The following FMNL2 variants were observed in gnomAD, a reference collection of about 807,000 sequenced individuals.
The protein encoded by FMNL2 is formin like 2, also known as formin-like protein 2.
FMNL2 carries 51 observed loss-of-function variants against 130.2 expected under a neutral mutation model. The observed-to-expected ratio is 0.39, with a 90% CI of 0.31 to 0.49. The LOEUF (loss-of-function observed/expected upper bound fraction) is 0.49, where lower values mean the gene tolerates loss of function less well. Among genes scored for constraint, FMNL2 ranks in the 20% least tolerant of loss-of-function variants. The pLI, the probability that FMNL2 is intolerant of heterozygous loss-of-function variation, is 0.85. For synonymous variants in FMNL2, 465 were observed against 467.1 expected, an observed-to-expected ratio of 1.00 and a Z score of 0.06; for missense variants, 977 against 1,316.2, an observed-to-expected ratio of 0.74 and a Z score of 3.99.
Position 152,629,683 on chromosome 2 carries a change from G to A in FMNL2, c.2428G>A (p.Val810Ile). The A allele has an allele frequency of 6.2e-7, 1 of 1,602,718 alleles. No individual in the cohort carries two copies. The highest frequency in any genetic ancestry group is 1.1e-5 in the South Asian group (1 of 89,122). ...PQLHAIIAAS[V>I]SIKSSQKLKK... ...ACTACATGCGATTATAGCAGCATCT[G>A]TCTCTATAAAGTCGTCCCAAAAACT... Residue 810 changes from valine (V) to isoleucine (I), a missense_variant, in exon 19 of 26, where the codon GTC becomes ATC. This residue lies in a region of FMNL2 where 689 missense variants were observed against 995.9 expected (regional missense o/e 0.69). Transcript: ENST00000288670.
intron 1 of FMNL2, among the ~76,000 whole-genome samples, chr2:152,415,208 T>G (rs1686542239): frequency 1.3e-5 from 2 of 152,066 alleles, no homozygotes; most frequent in Non-Finnish European, 2.9e-5. Context: ...TTGATCATGT[T>G]AATGTGAACA....
At chr2:152,604,881 C>A (rs1698275364) in intron 9 of FMNL2, among the ~76,000 whole-genome samples, 1 of 152,124 alleles carries the variant, frequency 6.6e-6, no homozygotes, top group African/African-American at 2.4e-5. Context: ...CAGGCGAGAA[C>A]CACCGTGCCC....
intron 1 of FMNL2, among the ~76,000 whole-genome samples, chr2:152,452,118 A>G (rs1397557317): frequency 6.6e-6 from 1 of 152,176 alleles, no homozygotes; most frequent in Non-Finnish European, 1.5e-5. Flanking sequence ...AAGTGAATAC[A>G]TTTGTTGCTT....
At chr2:152,585,388 A>T (rs988662005) in intron 9 of FMNL2, among the ~76,000 whole-genome samples, 1 of 152,174 alleles carries the variant, frequency 6.6e-6, no homozygotes, top group Admixed American at 6.5e-5. Flanking sequence ...GAGCCCCGAG[A>T]CTACCAAACA....
At chr2:152,384,160 C>A (rs1684654155) in intron 1 of FMNL2, among the ~76,000 whole-genome samples, 1 of 152,104 alleles carries the variant, frequency 6.6e-6, no homozygotes, top group South Asian at 2.1e-4. Context: ...TCTTTATTTT[C>A]CAGGTGAGGA....
At chr2:152,493,382 CT>C (rs978945217) in intron 1 of FMNL2, among the ~76,000 whole-genome samples, 14 of 152,254 alleles carry the variant, frequency 9.2e-5, no homozygotes, top group African/African-American at 3.4e-4. Flanking sequence ...AATGTCCTAA[CT>C]TTATAGAAGA....
In FMNL2 at chr2:152,335,383, C is replaced by T; in HGVS notation, c.-221C>T. Reference sequence around the variant, plus strand: ...CCCTCCCGAGGAAAAGAGGCCGGGGCCGCGCTGGGGCGGCGGAGAGCATGA... The same window carrying T: ...CCCTCCCGAGGAAAAGAGGCCGGGGTCGCGCTGGGGCGGCGGAGAGCATGA... On this transcript the variant is annotated 5_prime_UTR_variant, in exon 1 of 26. Transcript: ENST00000288670. 3.7e-6 allele frequency: 1 copy of T among 270,500 alleles called. No homozygotes were observed. Among genetic ancestry groups the T allele is most frequent in the Non-Finnish European group, 6.8e-6 (1 of 146,808 alleles). 16.8% of individuals were successfully genotyped at this position (270,500 alleles called of 1,614,324 possible). A position where few individuals can be genotyped will look rare whatever the true frequency, so the allele number is the denominator to read the frequency against.
chr2:152,373,715 A>ATT (rs36050189), intron 1 of FMNL2, among the ~76,000 whole-genome samples: 38 of 149,286 alleles, frequency 2.5e-4, no homozygotes, highest in Non-Finnish European at 4.2e-4. Context: ...CCTTGTGGAA[A>ATT]TTTTTTTTTT....
At chr2:152,519,653 A>G (rs1013688622) in intron 1 of FMNL2, among the ~76,000 whole-genome samples, 1 of 152,224 alleles carries the variant, frequency 6.6e-6, no homozygotes, top group African/African-American at 2.4e-5. Context: ...TTGTTCCTGT[A>G]AAGCTGTGCA....
At chr2:152,511,389 A>G (rs1353567547) in intron 1 of FMNL2, among the ~76,000 whole-genome samples, 1 of 152,186 alleles carries the variant, frequency 6.6e-6, no homozygotes, top group African/African-American at 2.4e-5. Flanking sequence ...AGAGATGAGG[A>G]AATCTTTGGG....
intron 1 of FMNL2, among the ~76,000 whole-genome samples, chr2:152,432,687 G>A (rs1333387383): frequency 6.6e-6 from 1 of 152,202 alleles, no homozygotes; most frequent in African/African-American, 2.4e-5. Context: ...CAAGTCTTTG[G>A]ATGTTCCTTC....
chr2:152,587,624 T>C (rs1697156126), intron 9 of FMNL2, among the ~76,000 whole-genome samples: 1 of 152,210 alleles, frequency 6.6e-6, no homozygotes, highest in African/African-American at 2.4e-5. Flanking sequence ...AAAGGAGCCA[T>C]TTTCATAGGA....
intron 1 of FMNL2, among the ~76,000 whole-genome samples, chr2:152,487,784 C>CTTT (rs752010491): frequency 7.1e-6 from 1 of 141,616 alleles, no homozygotes. Flanking sequence ...TGAATTCTTT[C>CTTT]TTTTTTTTTT....
chr2:152,412,611 A>T (rs1229730246), intron 1 of FMNL2, among the ~76,000 whole-genome samples: 1 of 149,034 alleles, frequency 6.7e-6, no homozygotes, highest in East Asian at 2.0e-4. Flanking sequence ...ATTGAAGACC[A>T]GCCTGGGCAA....
At chr2:152,575,376 T>A (rs1425998653) in intron 7 of FMNL2, 132 bp downstream of exon 7, 2 of 495,978 alleles carry the variant, frequency 4.0e-6, no homozygotes, top group Non-Finnish European at 6.8e-6. Flanking sequence ...CTACAATTTA[T>A]CTGTGTTACC....
intron 1 of FMNL2, among the ~76,000 whole-genome samples, chr2:152,467,977 A>G (rs891010436): frequency 6.6e-6 from 1 of 152,212 alleles, no homozygotes; most frequent in Non-Finnish European, 1.5e-5. Context: ...AAGTGATCAG[A>G]AGATCTGGAT....
At chr2:152,483,740 C>T (rs1459521944) in intron 1 of FMNL2, among the ~76,000 whole-genome samples, 5 of 152,206 alleles carry the variant, frequency 3.3e-5, no homozygotes, top group Admixed American at 1.3e-4. Context: ...CCTGCCAAGG[C>T]GCCAGCACTG....
chr2:152,589,935 T>TTATATA (rs1697293251), intron 9 of FMNL2, among the ~76,000 whole-genome samples: 1 of 78,776 alleles, frequency 1.3e-5, no homozygotes, highest in Admixed American at 1.4e-4. Context: ...ACACCTGGCT[T>TTATATA]TATACATATA....
chr2:152,442,466 C>A (rs1293619612), intron 1 of FMNL2, among the ~76,000 whole-genome samples: 3 of 152,060 alleles, frequency 2.0e-5, no homozygotes, highest in Non-Finnish European at 4.4e-5. Context: ...CCAGGCTGGT[C>A]TGAAAAGCCT....
Sources: gnomAD v4.1 joint callset for allele counts (sites outside exome capture counted in the v4.1 genomes callset) on GRCh38, gnomAD v4.1.1 for gene constraint, gnomAD v4.1.1 regional missense constraint, MANE v1.5 for transcripts, NCBI Gene and HGNC (gene_info 2026-07-23, HGNC 2026-07-21) for gene names.